Variants in RALGDS observed in about 807,000 individuals in gnomAD.
The protein encoded by RALGDS is ral guanine nucleotide dissociation stimulator.
A neutral mutation model predicts 99.8 loss-of-function variants in RALGDS; 44 were observed. That is an observed-to-expected ratio of 0.44 (90% CI 0.35 to 0.57). The LOEUF (loss-of-function observed/expected upper bound fraction) is 0.57. Among genes scored for constraint, RALGDS ranks in the 20% least tolerant of loss-of-function variants. RALGDS has a pLI of 0.01. For synonymous variants in RALGDS, 529 were observed against 505.0 expected (o/e 1.05, Z -0.64); for missense variants, 1,022 against 1,203.1 (o/e 0.85, Z 2.23).
chr9:133,108,883 G>A lies in RALGDS; in HGVS notation c.585-17C>T. On this transcript the variant is annotated splice_polypyrimidine_tract_variant and intron_variant, in intron 4 of 17. Transcript: ENST00000372050. ...GAGATGGCACTGGGGACAGGTGGGT[G>A]GCAGCAGAGTCAGAGGCCTGGGCTC... The A allele has an allele frequency of 6.2e-7, 1 of 1,604,084 alleles. No individual in the cohort carries two copies. The highest frequency in any genetic ancestry group is 8.5e-7 in the Non-Finnish European group (1 of 1,173,582).
chr9:133,120,036 C>G lies in RALGDS; in HGVS notation c.183+936G>C, dbSNP rs370277317. Among the ~76,000 whole-genome samples the G allele has an allele frequency of 9.8e-5, 15 of 152,362 alleles. No individual in the cohort carries two copies. The South Asian group carries it at 3.1e-3, about 32-fold the overall frequency. ...TGAAGGCTGCAGCCCAGCCAAAGCT[C>G]TGATGGGCCCTGAGCCCCCGATCCA... is the stretch of plus-strand genomic sequence containing the variant. On this transcript the variant is annotated intron_variant, in intron 1 of 17. Coordinates refer to ENST00000372050, the MANE Select transcript of RALGDS (RefSeq NM_006266.4).
At position 133,142,823 on chromosome 9, in the gene RALGDS, C is replaced by T. The variant is rs1337251973; in HGVS notation, c.18+6140G>A. Among the ~76,000 whole-genome samples, 4 of 152,252 alleles carry T rather than the reference C, an allele frequency of 2.6e-5. No homozygotes were observed. In the East Asian group the frequency reaches 7.7e-4, roughly 29 times the overall value. ...GGGGCCTAGGGCCTCCCAGCCCCGC[C>T]CTGCCCAGCAGCCGGGCCCAGCCCT... On this transcript the variant is annotated intron_variant, in intron 1 of 17. Transcript: ENST00000393160.
intron 1 of RALGDS, chr9:133,129,214 C>T (rs1158133347): frequency 1.9e-6 from 3 of 1,597,398 alleles, no homozygotes; most frequent in African/African-American, 2.7e-5. Flanking sequence ...GGGCGACGGC[C>T]CTTCTCCTGG....
chr9:133,101,601 G>C lies in RALGDS; in HGVS notation c.2373C>G (p.Leu791=). The C allele has an allele frequency of 6.2e-7, 1 of 1,612,950 alleles. No homozygotes were observed. Among genetic ancestry groups the C allele is most frequent in the Non-Finnish European group, 8.5e-7 (1 of 1,180,024 alleles). The change falls in exon 16 of 18, where the codon CTC becomes CTG. Residue 791 remains leucine, a synonymous_variant. Transcript: ENST00000372050. ...GLCNSSSALP[L]YNQQVGDCCI... ...AGCAGTCGCCCACCTGCTGGTTGTA[G>C]AGCGGCAGCGCGGAGCTGGAGTTGC...
At chr9:133,138,018 C>A (rs1249540409) in intron 1 of RALGDS, among the ~76,000 whole-genome samples, 1 of 152,208 alleles carries the variant, frequency 6.6e-6, no homozygotes. Flanking sequence ...AGGCTGCCTG[C>A]CGTGCCAGGG....
chr9:133,133,959 C>T (rs1832385541), upstream of RALGDS, among the ~76,000 whole-genome samples: 1 of 152,240 alleles, frequency 6.6e-6, no homozygotes, highest in African/African-American at 2.4e-5. Context: ...CTCGGCACCA[C>T]ATCCTGTCCA....
At position 133,106,700 on chromosome 9, in the gene RALGDS, C is replaced by T; in HGVS notation, c.1462G>A (p.Ala488Thr). The change falls in exon 8 of 18, where the codon GCC becomes ACC. Residue 488 changes from alanine (A) to threonine (T), a missense_variant. Physicochemically the swap from Ala to Thr is moderately conservative, Grantham distance 58 (BLOSUM62 0). This residue lies in a region of RALGDS where 825 missense variants were observed against 994.5 expected (regional missense o/e 0.83). Coordinates refer to ENST00000372050, the MANE Select transcript of RALGDS (RefSeq NM_006266.4). ...NFSSLYAILS[A>T]LQSNSIHRLK... ...CGGTGGATGGAGTTGCTCTGCAGGG[C>T]AGAGAGGATGGCATACAGTGACGAG... 1 of 1,613,014 alleles carries T rather than the reference C, an allele frequency of 6.2e-7. No homozygotes were observed. The highest frequency in any genetic ancestry group is 8.5e-7 in the Non-Finnish European group (1 of 1,179,710).
At position 133,108,612 on chromosome 9, in the gene RALGDS, G is replaced by C. The variant is rs189148688; in HGVS notation, c.778+61C>G. The C allele has an allele frequency of 4.4e-6, 7 of 1,590,086 alleles. No individual in the cohort carries two copies. In the African/African-American group the frequency reaches 8.1e-5, roughly 18 times the overall value. On this transcript the variant is annotated intron_variant, in intron 5 of 17. Transcript: ENST00000372050. ...CACCAGACCCTGGAGCCTCCTCTTCGTGTGGCCCAGCACCGACCCCTCCTC... is the reference window on the plus strand; with the variant it reads ...CACCAGACCCTGGAGCCTCCTCTTCCTGTGGCCCAGCACCGACCCCTCCTC...
At chr9:133,117,016 G>T (rs1425635433) in intron 1 of RALGDS, among the ~76,000 whole-genome samples, 2 of 152,228 alleles carry the variant, frequency 1.3e-5, no homozygotes, top group Non-Finnish European at 2.9e-5. Context: ...TCTCCGAGAG[G>T]TTTGTGGACG....
chr9:133,102,131 G>A lies in RALGDS; in HGVS notation c.2018C>T (p.Ala673Val). The A allele has an allele frequency of 1.3e-6, 2 of 1,566,410 alleles. No homozygotes were observed. The highest frequency in any genetic ancestry group is 1.7e-6 in the Non-Finnish European group (2 of 1,154,328). Residue 673 changes from alanine to valine, a missense_variant, in exon 15 of 18, where the codon GCC (alanine) becomes GTC (valine). Physicochemically the swap from Ala to Val is moderately conservative, Grantham distance 64. Coordinates refer to ENST00000372050, the MANE Select transcript of RALGDS (RefSeq NM_006266.4). Reference sequence around the variant, plus strand: ...ACTGGTACTGAGCTCAGTGCTGGGGGCCTGGCGGCTGGGTGAAGAGTTGGC... The same window carrying A: ...ACTGGTACTGAGCTCAGTGCTGGGGACCTGGCGGCTGGGTGAAGAGTTGGC... ...AIVKRWSDRQ[A>V]PSTELSTSGS...
intron 1 of RALGDS, among the ~76,000 whole-genome samples, chr9:133,142,740 C>T (rs987797251): frequency 6.6e-6 from 1 of 152,180 alleles, no homozygotes; most frequent in Non-Finnish European, 1.5e-5. Flanking sequence ...AGCAGGGAGA[C>T]GATGAAAGGG....
intron 1 of RALGDS, among the ~76,000 whole-genome samples, chr9:133,128,453 T>A (rs923025085): frequency 2.7e-5 from 4 of 150,746 alleles, no homozygotes; most frequent in African/African-American, 9.8e-5. Flanking sequence ...CCCACAGCTG[T>A]GATAGGTGGG....
At chr9:133,132,215 G>A (rs111860430), upstream of RALGDS, among the ~76,000 whole-genome samples, 35 of 152,350 alleles carry the variant, frequency 2.3e-4, no homozygotes, top group South Asian at 2.5e-3. Context: ...GCCCGGTCCC[G>A]GGAGAGGGGA....
upstream of RALGDS, among the ~76,000 whole-genome samples, chr9:133,135,570 G>A (rs563889554): frequency 1.3e-5 from 2 of 152,258 alleles, no homozygotes; most frequent in South Asian, 4.2e-4. Flanking sequence ...AGCTCCAGGA[G>A]GAACCCAACG....
At chr9:133,148,674 T>C (rs577881304) in intron 1 of RALGDS, among the ~76,000 whole-genome samples, 1 of 152,284 alleles carries the variant, frequency 6.6e-6, no homozygotes, top group South Asian at 2.1e-4. Flanking sequence ...GAGGCTGTCA[T>C]TCCCAAAGCA....
At chr9:133,140,380 G>A (rs995839208) in intron 1 of RALGDS, among the ~76,000 whole-genome samples, 2 of 152,110 alleles carry the variant, frequency 1.3e-5, no homozygotes, top group African/African-American at 4.8e-5. Flanking sequence ...GTTGGCCAAG[G>A]GTGCTTTCTT....
At chr9:133,131,833 G>C (rs537346698), upstream of RALGDS, among the ~76,000 whole-genome samples, 22 of 152,352 alleles carry the variant, frequency 1.4e-4, no homozygotes, top group African/African-American at 5.3e-4. Context: ...GCATCTCTGG[G>C]CCTTAGTTTG....
chr9:133,103,358 G>A (rs1224854427), intron 11 of RALGDS, 96 bp from the exon 12 acceptor site: 7 of 1,481,014 alleles, frequency 4.7e-6, no homozygotes, highest in Non-Finnish European at 6.6e-6. Flanking sequence ...CCCACCAGGG[G>A]GCAGGGCACG....
chr9:133,146,226 C>T (rs953611957), intron 1 of RALGDS, among the ~76,000 whole-genome samples: 4 of 152,182 alleles, frequency 2.6e-5, no homozygotes, highest in African/African-American at 9.7e-5. Context: ...CTGGCTCCGT[C>T]GCCCAGGCTG....
Sources: gnomAD v4.1 joint callset for allele counts (sites outside exome capture counted in the v4.1 genomes callset) on GRCh38, gnomAD v4.1.1 for gene constraint, gnomAD v4.1.1 regional missense constraint, MANE v1.5 for transcripts, NCBI Gene and HGNC (gene_info 2026-07-23, HGNC 2026-07-21) for gene names.